Variants in HKDC1 observed in about 807,000 individuals in gnomAD.
HKDC1 encodes hexokinase domain containing 1, also known as hexokinase HKDC1.
HKDC1 carries 66 observed loss-of-function variants against 96.6 expected under a neutral mutation model. That is an observed-to-expected ratio of 0.68 (90% confidence interval 0.56 to 0.84). The LOEUF (loss-of-function observed/expected upper bound fraction) is 0.84, where lower values mean the gene tolerates loss of function less well. Ranked by LOEUF, HKDC1 falls within the 40% of genes least tolerant of loss-of-function variation. The pLI is 0.00. For synonymous variants in HKDC1, 466 were observed against 473.1 expected (o/e 0.98, Z 0.20); for missense variants, 1,211 against 1,208.1 (o/e 1.00, Z -0.04).
chr10:69,233,264 A>ACGC, intron 4 of HKDC1, 131 bp downstream of exon 4: 1 of 1,299,538 alleles, frequency 7.7e-7, no homozygotes, highest in Non-Finnish European at 1.1e-6. Flanking sequence ...CTTTTTGTTC[A>ACGC]TGATGAGGTG....
At chr10:69,247,339 T>G in intron 8 of HKDC1, 21 bp from the exon 9 acceptor site, 1 of 1,549,036 alleles carries the variant, frequency 6.5e-7, no homozygotes, top group Non-Finnish European at 8.9e-7. Flanking sequence ...TGTCGTTCAC[T>G]CATTCCTGTC....
intron 6 of HKDC1, among the ~76,000 whole-genome samples, chr10:69,241,200 G>A (rs532043153): frequency 1.2e-4 from 18 of 152,298 alleles, no homozygotes; most frequent in Middle Eastern, 6.8e-3. Flanking sequence ...GTGGAGGCCC[G>A]AGGGTAGGGA....
At chr10:69,262,571 T>A (rs536029352) in intron 16 of HKDC1, among the ~76,000 whole-genome samples, 63 of 152,372 alleles carry the variant, frequency 4.1e-4, no homozygotes, top group African/African-American at 1.4e-3. Context: ...TTGGTCTTTA[T>A]GGTCAGATGC....
At chr10:69,242,515 G>A (rs559058357) in intron 6 of HKDC1, among the ~76,000 whole-genome samples, 2 of 149,312 alleles carry the variant, frequency 1.3e-5, no homozygotes, top group Admixed American at 6.7e-5. Context: ...ACGATTCAAT[G>A]ATTTGTAGTA....
chr10:69,246,057 A>C (rs1446944880), intron 7 of HKDC1, 22 bp from the exon 8 acceptor site: 1 of 1,611,102 alleles, frequency 6.2e-7, no homozygotes. Flanking sequence ...CTGCGTCCAC[A>C]GATCTGTTCA....
chr10:69,247,501 G>A lies in HKDC1; in HGVS notation c.1173G>A (p.Ala391=), dbSNP rs781452754. The A allele has an allele frequency of 5.6e-5, 91 of 1,614,002 alleles. No homozygotes were observed. Among genetic ancestry groups the A allele is most frequent in the African/African-American group, 1.1e-4 (8 of 74,906 alleles). ...RSANLCAAAL[A]AILTRLRENK... ...CCAATCTCTGTGCAGCAGCTCTGGC[G>A]GCCATCCTGACACGCCTCCGGGAGA... Residue 391 remains alanine, a synonymous_variant, in exon 9 of 18, where the codon GCG becomes GCA. Coordinates refer to ENST00000354624, the MANE Select transcript of HKDC1 (RefSeq NM_025130.4).
intron 4 of HKDC1, among the ~76,000 whole-genome samples, chr10:69,233,708 C>T (rs991014487): frequency 6.6e-6 from 1 of 151,678 alleles, no homozygotes; most frequent in Non-Finnish European, 1.5e-5. Flanking sequence ...ACCATCCTGG[C>T]TAACATGGTG....
chr10:69,241,062 G>A (rs1054967189), intron 6 of HKDC1, among the ~76,000 whole-genome samples: 2 of 152,026 alleles, frequency 1.3e-5, no homozygotes, highest in African/African-American at 2.4e-5. Flanking sequence ...GGTGGTTAGC[G>A]TGATAAAAAA....
At chr10:69,240,959 G>T (rs1843448801) in intron 6 of HKDC1, among the ~76,000 whole-genome samples, 1 of 152,206 alleles carries the variant, frequency 6.6e-6, no homozygotes, top group East Asian at 1.9e-4. Flanking sequence ...TTGGCACTGG[G>T]TTTGGAGTGG....
chr10:69,256,387 T>C (rs181924419), intron 12 of HKDC1, among the ~76,000 whole-genome samples: 116 of 152,344 alleles, frequency 7.6e-4, no homozygotes, highest in Non-Finnish European at 1.3e-3. Context: ...TTTGATCACA[T>C]TGTAATCTGT....
In HKDC1 at chr10:69,261,199, C is replaced by A. The variant is rs1843803098; in HGVS notation, c.2277C>A (p.Asp759Glu). The A allele has an allele frequency of 6.2e-7, 1 of 1,614,032 alleles. No homozygotes were observed. The highest frequency in any genetic ancestry group is 8.5e-7 in the Non-Finnish European group (1 of 1,179,934). Reference sequence around the variant, plus strand: ...AGATTGTGCGGCAGATCCTGATCGACCTGACCAAGCAGGGTCTCCTCTTCC... The same window carrying A: ...AGATTGTGCGGCAGATCCTGATCGAACTGACCAAGCAGGGTCTCCTCTTCC... ...LGEIVRQILI[D>E]LTKQGLLFRG... The change falls in exon 16 of 18, where the codon GAC becomes GAA. Residue 759 changes from aspartate to glutamate, a missense_variant. Asp to Glu is a conservative substitution (Grantham distance 45, BLOSUM62 2). Transcript: ENST00000354624.
At chr10:69,259,187 T>C (rs1217725860) in intron 15 of HKDC1, among the ~76,000 whole-genome samples, 2 of 152,160 alleles carry the variant, frequency 1.3e-5, no homozygotes, top group Non-Finnish European at 2.9e-5. Flanking sequence ...CTAGTGGTGG[T>C]TCTGGAAGTG....
chr10:69,229,027 C>T (rs1010275179), intron 2 of HKDC1, among the ~76,000 whole-genome samples: 6 of 152,176 alleles, frequency 3.9e-5, no homozygotes, highest in Non-Finnish European at 8.8e-5. Context: ...TACTGAGCAA[C>T]CACTGTGGTC....
chr10:69,257,685 TG>T (rs35748446), intron 14 of HKDC1, among the ~76,000 whole-genome samples: 4,415 of 150,650 alleles, frequency 0.029, 188 homozygotes, highest in African/African-American at 0.093. Flanking sequence ...CCAATTGTCA[TG>T]GGGGGGGGAA....
chr10:69,225,038 A>AAAAGG (rs1843130429), intron 1 of HKDC1, among the ~76,000 whole-genome samples: 1 of 152,238 alleles, frequency 6.6e-6, no homozygotes, highest in African/African-American at 2.4e-5. Context: ...ACAGAAGATC[A>AAAAGG]AAAGGAAACT....
chr10:69,262,332 A>G (rs573778454), intron 16 of HKDC1, among the ~76,000 whole-genome samples: 5 of 152,300 alleles, frequency 3.3e-5, no homozygotes, highest in African/African-American at 1.2e-4. Flanking sequence ...CTTTTAGTAC[A>G]CATAGTCATT....
chr10:69,254,014 T>C (rs1843682929), intron 12 of HKDC1, among the ~76,000 whole-genome samples: 1 of 152,112 alleles, frequency 6.6e-6, no homozygotes, highest in Admixed American at 6.6e-5. Flanking sequence ...GCACTAAGAT[T>C]TTGTCCAGGG....
At chr10:69,232,739 G>A (rs1324495441) in intron 2 of HKDC1, 25 bp from the exon 3 acceptor site, 31 of 1,611,892 alleles carry the variant, frequency 1.9e-5, no homozygotes, top group Non-Finnish European at 2.6e-5. Context: ...CTCAATAAAT[G>A]GAAACTGAAT....
At chr10:69,241,697 C>A (rs1416333705) in intron 6 of HKDC1, among the ~76,000 whole-genome samples, 3 of 152,168 alleles carry the variant, frequency 2.0e-5, no homozygotes, top group African/African-American at 7.2e-5. Flanking sequence ...GTTTGCCAGG[C>A]TGCTCTCAAG....
Sources: allele counts gnomAD v4.1 joint callset (sites outside exome capture counted in the v4.1 genomes callset), GRCh38; gene constraint gnomAD v4.1.1; transcripts MANE v1.5; gene names NCBI Gene and HGNC (gene_info 2026-07-23, HGNC 2026-07-21).